SLC26A4: variants seen among roughly 807,000 people sequenced by gnomAD.
SLC26A4 encodes solute carrier family 26 member 4.
SLC26A4 carries 93 observed loss-of-function variants against 90.4 expected under a neutral mutation model. That is an observed-to-expected ratio of 1.03 (90% CI 0.87 to 1.22). SLC26A4 has a LOEUF of 1.22. Among genes scored for constraint, SLC26A4 ranks in the 50% most tolerant of loss-of-function variants. The probability of loss-of-function intolerance (pLI) is 0.00; values close to 1 mark genes in which losing one functional copy is unlikely to be tolerated. For synonymous variants in SLC26A4, 393 were observed against 354.6 expected (o/e 1.11, Z -1.22); for missense variants, 1,127 against 946.2 (o/e 1.19, Z -2.51).
intron 13 of SLC26A4, 74 bp from the exon 14 acceptor site, chr7:107,697,968 G>A: frequency 1.1e-6 from 1 of 897,462 alleles, no homozygotes; most frequent in Non-Finnish European, 1.9e-6. Flanking sequence ...CTCTTTAGTA[G>A]CTGTTGTTTT....
rs1042470110 is a variant in SLC26A4, at chr7:107,684,924, T to C, written c.1001+1387T>C. ...GCAGGCCCTGTCCCATCCATCCGTGTTCCATTAGTTGGTTTAGGGAACTCA... is the reference window on the plus strand; with the variant it reads ...GCAGGCCCTGTCCCATCCATCCGTGCTCCATTAGTTGGTTTAGGGAACTCA... On this transcript the variant is annotated intron_variant, in intron 8 of 20. Coordinates refer to ENST00000644269, the MANE Select transcript of SLC26A4 (RefSeq NM_000441.2). 2.0e-5 allele frequency among the ~76,000 whole-genome samples: 3 copies of C among 152,282 alleles called. No homozygotes were observed. In the East Asian group the frequency reaches 5.8e-4, roughly 29 times the overall value.
At chr7:107,690,310 C>T (rs533745588) in intron 10 of SLC26A4, 73 bp downstream of exon 10, 29 of 925,948 alleles carry the variant, frequency 3.1e-5, no homozygotes, top group Non-Finnish European at 4.3e-5. Flanking sequence ...AGGCTCGCAC[C>T]GAGCTTAGCA....
chr7:107,675,597 A>G (rs1435987641), intron 6 of SLC26A4, among the ~76,000 whole-genome samples: 2 of 141,084 alleles, frequency 1.4e-5, no homozygotes, highest in African/African-American at 2.7e-5. Flanking sequence ...TTTTTGAGAC[A>G]GAGTCTTACT....
At chr7:107,665,347 T>A (rs1039212572) in intron 3 of SLC26A4, among the ~76,000 whole-genome samples, 1 of 152,204 alleles carries the variant, frequency 6.6e-6, no homozygotes, top group Non-Finnish European at 1.5e-5. Flanking sequence ...AGCCTCAGCC[T>A]GATCAAGCAT....
intron 10 of SLC26A4, chr7:107,691,898 G>C (rs992720070): frequency 3.1e-6 from 4 of 1,278,990 alleles, no homozygotes; most frequent in African/African-American, 3.1e-5. Context: ...CCAAAGCTGT[G>C]CACATTTCAG....
chr7:107,677,983 C>T (rs552079125), intron 6 of SLC26A4, among the ~76,000 whole-genome samples: 1 of 152,078 alleles, frequency 6.6e-6, no homozygotes, highest in South Asian at 2.1e-4. Flanking sequence ...TTTGCAATGT[C>T]GCCCAGGCTG....
intron 4 of SLC26A4, 65 bp downstream of exon 4, chr7:107,672,313 G>T: frequency 1.1e-6 from 1 of 885,416 alleles, no homozygotes; most frequent in African/African-American, 1.7e-5. Flanking sequence ...TATATTAAGT[G>T]CATTATACCT....
chr7:107,676,355 A>G (rs190065167), intron 6 of SLC26A4, among the ~76,000 whole-genome samples: 1 of 152,302 alleles, frequency 6.6e-6, no homozygotes, highest in Admixed American at 6.5e-5. Context: ...ATGATTGGAG[A>G]TGTATCTCTA....
chr7:107,702,326 T>A (rs1791918788), intron 17 of SLC26A4, among the ~76,000 whole-genome samples: 1 of 152,148 alleles, frequency 6.6e-6, no homozygotes, highest in Non-Finnish European at 1.5e-5. Flanking sequence ...AATATGGAGG[T>A]AATGATGGTA....
rs1790565162 is a variant in SLC26A4 at position 107,661,832 on chromosome 7, GA to G, written c.164+28del. On this transcript the variant is annotated intron_variant, in intron 2 of 20. Transcript: ENST00000644269. The surrounding 1 kb of genome is among the most constrained non-coding windows in gnomAD (Gnocchi z 5.1). ...TAGCGGCCGCGCGGGCCTGCGTAGA[GA>G]GAAGCGGAGCGGGGCGTCCACGCCT... is the stretch of plus-strand genomic sequence containing the variant. The G allele has an allele frequency of 2.0e-6, 3 of 1,527,588 alleles. No homozygotes were observed. Among genetic ancestry groups the G allele is most frequent in the Non-Finnish European group, 2.6e-6 (3 of 1,141,096 alleles). 94.6% of individuals were successfully genotyped at this position (1,527,588 alleles called of 1,614,324 possible).
intron 4 of SLC26A4, among the ~76,000 whole-genome samples, chr7:107,673,405 C>G (rs1170928637): frequency 6.6e-6 from 1 of 151,830 alleles, no homozygotes; most frequent in East Asian, 1.9e-4. Flanking sequence ...ATCCTAACTT[C>G]GACCCTGTGA....
intron 18 of SLC26A4, 35 bp downstream of exon 18, chr7:107,704,420 C>T (rs1290869410): frequency 5.4e-6 from 5 of 933,056 alleles, no homozygotes; most frequent in African/African-American, 4.8e-5. Flanking sequence ...ACCTGTAAGA[C>T]TTTCCCGTAA....
rs141158498 is a variant in SLC26A4 at position 107,689,138 on chromosome 7, A to G, written c.1087A>G (p.Ile363Val). The G allele has an allele frequency of 2.8e-5, 45 of 1,613,816 alleles. No individual in the cohort carries two copies. The South Asian group carries it at 4.5e-4, about 16-fold the overall frequency. Residue 363 changes from isoleucine to valine, a missense_variant, in exon 9 of 21, where the codon ATT becomes GTT. Ile to Val is a conservative substitution (Grantham distance 29). Coordinates refer to ENST00000644269, the MANE Select transcript of SLC26A4 (RefSeq NM_000441.2). ...SFSIAVVAYA[I>V]AVSVGKVYAT... ...TTCCATCGCTGTGGTGGCTTATGCT[A>G]TTGCAGTGTCAGTAGGAAAAGTATA...
rs185340973 is a variant in SLC26A4, at chr7:107,698,660, A to T, written c.1614+549A>T. Among the ~76,000 whole-genome samples, 33 of 152,286 alleles carry T rather than the reference A, an allele frequency of 2.2e-4. No homozygotes were observed. The East Asian group carries it at 5.0e-3, about 23-fold the overall frequency. On this transcript the variant is annotated intron_variant, in intron 14 of 20. Transcript: ENST00000644269. ...TATAAAACTGTTGTAAGAGGAATTT[A>T]AAAATAATAGGCAATTTCTAGATGT...
chr7:107,683,884 C>A (rs573496051), intron 8 of SLC26A4, among the ~76,000 whole-genome samples: 16 of 152,242 alleles, frequency 1.1e-4, no homozygotes, highest in Middle Eastern at 3.4e-3. Flanking sequence ...TGTGAACAAT[C>A]TGCTTAAGGA....
At chr7:107,699,678 C>A (rs576965856) in intron 14 of SLC26A4, among the ~76,000 whole-genome samples, 1 of 152,244 alleles carries the variant, frequency 6.6e-6, no homozygotes, top group East Asian at 1.9e-4. Context: ...CCTGTAATCC[C>A]AGCACTTTGG....
chr7:107,677,839 A>T (rs532609220), intron 6 of SLC26A4, among the ~76,000 whole-genome samples: 1 of 151,858 alleles, frequency 6.6e-6, no homozygotes, highest in African/African-American at 2.4e-5. Context: ...TTAGTCTCGA[A>T]CTCCTGAGTT....
chr7:107,688,822 G>A (rs763595688), intron 8 of SLC26A4, among the ~76,000 whole-genome samples: 2 of 152,192 alleles, frequency 1.3e-5, no homozygotes, highest in South Asian at 2.1e-4. Flanking sequence ...AGTCAGCATG[G>A]CTAGGCTCAA....
chr7:107,671,572 T>A (rs1337768724), intron 3 of SLC26A4, among the ~76,000 whole-genome samples: 2 of 152,238 alleles, frequency 1.3e-5, no homozygotes, highest in African/African-American at 4.8e-5. Context: ...TGTTTGTAGA[T>A]GCAATCATTG....
Sources: allele counts gnomAD v4.1 joint callset (sites outside exome capture counted in the v4.1 genomes callset), GRCh38; gene constraint gnomAD v4.1.1; non-coding constraint Gnocchi (gnomAD v3.1); transcripts MANE v1.5; gene names NCBI Gene and HGNC (gene_info 2026-07-23, HGNC 2026-07-21).